Variants in VTI1A observed in about 807,000 individuals in gnomAD.
VTI1A encodes vesicle transport through interaction with t-SNAREs homolog 1A.
Under a neutral mutation model 34.9 loss-of-function variants are expected in VTI1A, and 22 were observed. That is an observed-to-expected ratio of 0.63 (90% CI 0.45 to 0.90). The LOEUF is 0.90. Among genes scored for constraint, VTI1A ranks in the 40% least tolerant of loss-of-function variants. The pLI, the probability that VTI1A is intolerant of heterozygous loss-of-function variation, is 0.00. For missense variants in VTI1A, 268 were observed against 275.6 expected, an observed-to-expected ratio of 0.97 and a Z score of 0.20; for synonymous variants, 87 against 97.3, an observed-to-expected ratio of 0.89 and a Z score of 0.62.
chr10:112,673,265 G>A (rs1847913288), intron 7 of VTI1A, among the ~76,000 whole-genome samples: 1 of 149,846 alleles, frequency 6.7e-6, no homozygotes, highest in African/African-American at 2.5e-5. Context: ...GCAGCGAGCC[G>A]AGGTCACATC....
chr10:112,663,215 A>G (rs901638284), intron 5 of VTI1A, among the ~76,000 whole-genome samples: 7 of 152,172 alleles, frequency 4.6e-5, no homozygotes, highest in Non-Finnish European at 7.3e-5. Flanking sequence ...GTAAGCCTAC[A>G]TCATCATTTA....
chr10:112,456,696 T>C (rs543439771), intron 1 of VTI1A, among the ~76,000 whole-genome samples: 1 of 152,302 alleles, frequency 6.6e-6, no homozygotes, highest in Admixed American at 6.5e-5. Flanking sequence ...TAAACCCCCT[T>C]ATTCCAGTCT....
intron 7 of VTI1A, among the ~76,000 whole-genome samples, chr10:112,780,321 T>TAAATAAAA (rs916963926): frequency 7.7e-5 from 10 of 130,316 alleles, no homozygotes; most frequent in South Asian, 5.1e-4. Context: ...AATAAATAAA[T>TAAATAAAA]AAAATAATAA....
At chr10:112,830,290 G>T in the VTI1A span, among the ~76,000 whole-genome samples, 1 of 151,690 alleles carries the variant, frequency 6.6e-6, no homozygotes, top group South Asian at 2.1e-4. Context: ...GCCTACCCCT[G>T]GCCAGGCATT....
chr10:112,468,835 G>C (rs1044007080), intron 3 of VTI1A, among the ~76,000 whole-genome samples: 1 of 152,138 alleles, frequency 6.6e-6, no homozygotes, highest in Non-Finnish European at 1.5e-5. Context: ...GATTCAACAA[G>C]TACTGGTTAC....
intron 7 of VTI1A, among the ~76,000 whole-genome samples, chr10:112,814,578 G>C (rs759852372): frequency 6.6e-6 from 1 of 152,160 alleles, no homozygotes. Context: ...CCCCATCAGC[G>C]TGCAGCCCAG....
At chr10:112,744,651 C>T (rs1046280727) in intron 7 of VTI1A, among the ~76,000 whole-genome samples, 24 of 152,064 alleles carry the variant, frequency 1.6e-4, no homozygotes, top group African/African-American at 5.8e-4. Flanking sequence ...TGCTGCGTTG[C>T]CAGGGCTGGT....
intron 7 of VTI1A, among the ~76,000 whole-genome samples, chr10:112,704,064 C>A (rs747913994): frequency 2.0e-5 from 3 of 152,084 alleles, no homozygotes; most frequent in Non-Finnish European, 4.4e-5. Context: ...CCAGTCTTTT[C>A]TTCGGTCTTA....
At position 112,733,725 on chromosome 10, in the gene VTI1A, A is replaced by ATTATTTTATTTTATT. The variant is rs71035398; in HGVS notation, c.560+64761_560+64775dup. ...ATACTGCTAGTCAGTTCTCATTTAC[A>ATTATTTTATTTTATT]TTATTTTATTTTATTTTATTTTATT... On this transcript the variant is annotated intron_variant, in intron 7 of 7. Coordinates refer to ENST00000393077, the MANE Select transcript of VTI1A (RefSeq NM_145206.4). Among the ~76,000 whole-genome samples, 410 of 128,544 alleles carry ATTATTTTATTTTATT rather than the reference A, an allele frequency of 3.2e-3. 7 individuals carry two copies. The highest frequency in any genetic ancestry group is 0.011 in the African/African-American group (300 of 27,556). 84.3% of individuals were successfully genotyped at this position (128,544 alleles called of 152,430 possible). A position where few individuals can be genotyped will look rare whatever the true frequency, so the allele number is the denominator to read the frequency against.
rs909672318 is a variant in VTI1A at position 112,817,801 on chromosome 10, C to T, written c.*2418C>T. On this transcript the variant is annotated 3_prime_UTR_variant, in exon 8 of 8. Transcript: ENST00000393077. ...TAGGTACTTAGTGTGTAGACTTTGA[C>T]GAATATTTCTCAAGTTGGGAGCCCT... The T allele has an allele frequency of 7.8e-5, 18 of 231,486 alleles. No homozygotes were observed. The highest frequency in any genetic ancestry group is 1.8e-4 in the East Asian group (3 of 16,378). 14.3% of individuals were successfully genotyped at this position (231,486 alleles called of 1,614,324 possible).
At position 112,447,406 on chromosome 10, in the gene VTI1A, C is replaced by T; in HGVS notation, c.33C>T (p.Asp11=). 2 of 1,613,752 alleles carry T rather than the reference C, an allele frequency of 1.2e-6. No individual in the cohort carries two copies. The highest frequency in any genetic ancestry group is 1.1e-5 in the South Asian group (1 of 91,038). The change falls in exon 1 of 8, where the codon GAC becomes GAT. Residue 11 remains aspartate (D), a synonymous_variant. Coordinates refer to ENST00000393077, the MANE Select transcript of VTI1A (RefSeq NM_145206.4). MSSDFEGYEQ[D]FAVLTAEITS... ...CCGACTTCGAAGGTTACGAGCAGGA[C>T]TTCGCGGTGCTCACTGCAGAGATCA... is the stretch of plus-strand genomic sequence containing the variant.
Position 112,591,336 on chromosome 10 carries a change from C to T in VTI1A, c.427+53006C>T, listed in dbSNP as rs879899603. ...GAGATCAAGACCATCTTGGCTAACA[C>T]GGTGAAACCCTGTCTCTACTAACAA... On this transcript the variant is annotated intron_variant, in intron 5 of 7. Transcript: ENST00000393077. Among the ~76,000 whole-genome samples, 6 of 152,214 alleles carry T rather than the reference C, an allele frequency of 3.9e-5. No individual in the cohort carries two copies. In the East Asian group the frequency reaches 7.7e-4, roughly 20 times the overall value.
intron 3 of VTI1A, among the ~76,000 whole-genome samples, chr10:112,481,075 A>T (rs1389316042): frequency 6.6e-6 from 1 of 152,192 alleles, no homozygotes; most frequent in African/African-American, 2.4e-5. Flanking sequence ...TGGTGGCTTT[A>T]TATTTAATGA....
intron 7 of VTI1A, among the ~76,000 whole-genome samples, chr10:112,760,339 G>A (rs1388280721): frequency 6.6e-6 from 1 of 152,044 alleles, no homozygotes; most frequent in Admixed American, 6.5e-5. Context: ...TAGAACAATT[G>A]TAACAATATA....
At chr10:112,623,136 C>T (rs1379881753) in intron 5 of VTI1A, among the ~76,000 whole-genome samples, 2 of 152,174 alleles carry the variant, frequency 1.3e-5, no homozygotes, top group East Asian at 1.9e-4. Flanking sequence ...TTTAAATGTG[C>T]TGGCATGAGA....
intron 5 of VTI1A, among the ~76,000 whole-genome samples, chr10:112,618,622 G>A (rs1405406179): frequency 1.3e-5 from 2 of 149,906 alleles, no homozygotes; most frequent in Non-Finnish European, 3.0e-5. Flanking sequence ...AGGAGGAAGG[G>A]TTGTCAGAAG....
intron 7 of VTI1A, among the ~76,000 whole-genome samples, chr10:112,672,263 A>G (rs1200419710): frequency 6.6e-6 from 1 of 152,222 alleles, no homozygotes; most frequent in Admixed American, 6.5e-5. Flanking sequence ...GACATATAAT[A>G]TGTAATTTAG....
At chr10:112,587,187 T>C (rs1255085333) in intron 5 of VTI1A, among the ~76,000 whole-genome samples, 3 of 152,174 alleles carry the variant, frequency 2.0e-5, no homozygotes, top group African/African-American at 7.2e-5. Context: ...ACTTTTCTGC[T>C]TGTGCTACTT....
chr10:112,459,690 A>T (rs1298393631), intron 1 of VTI1A, among the ~76,000 whole-genome samples: 1 of 152,204 alleles, frequency 6.6e-6, no homozygotes, highest in African/African-American at 2.4e-5. Context: ...ACAAAACTTA[A>T]CTAGGGTATG....
Sources: gnomAD v4.1 joint callset for allele counts (sites outside exome capture counted in the v4.1 genomes callset) on GRCh38, gnomAD v4.1.1 for gene constraint, MANE v1.5 for transcripts, NCBI Gene and HGNC (gene_info 2026-07-23, HGNC 2026-07-21) for gene names.